MTR: variants seen among roughly 807,000 people sequenced by gnomAD.
MTR encodes the protein 5-methyltetrahydrofolate-homocysteine methyltransferase.
Under a neutral mutation model 154.8 loss-of-function variants are expected in MTR, and 84 were observed. That is an observed-to-expected ratio of 0.54 (90% confidence interval 0.45 to 0.65). The LOEUF (loss-of-function observed/expected upper bound fraction) is 0.65. Ranked by LOEUF, MTR falls within the 30% of genes least tolerant of loss-of-function variation. The pLI is 0.00. For missense variants in MTR, 1,275 were observed against 1,570.2 expected (o/e 0.81, Z 3.18); for synonymous variants, 554 against 553.9 (o/e 1.00, Z 0.00).
In MTR at chr1:236,852,921, T is replaced by G. The variant is rs1663998928; in HGVS notation, c.1813-27T>G. 4 of 1,613,526 alleles carry G rather than the reference T, an allele frequency of 2.5e-6. No individual in the cohort carries two copies. The East Asian group carries it at 6.7e-5, about 27-fold the overall frequency. ...GCTGACTTAAGGTATCACTGTAAAT[T>G]CTCATTTTTATTTGTATTGCCCTTA... On this transcript the variant is annotated intron_variant, in intron 17 of 32. Transcript: ENST00000366577.
chr1:236,864,507 A>T (rs1313795972), intron 22 of MTR, among the ~76,000 whole-genome samples: 2 of 152,136 alleles, frequency 1.3e-5, no homozygotes, highest in East Asian at 1.9e-4. Flanking sequence ...CTTCACAAGC[A>T]TTTCTATTTA....
chr1:236,795,290 G>T (rs913090254), upstream of MTR: 3 of 1,208,310 alleles, frequency 2.5e-6, no homozygotes, highest in African/African-American at 1.6e-5. Context: ...TAGATTGAGC[G>T]CAGAACTAAC....
At chr1:236,886,181 A>T in intron 26 of MTR, 111 bp from the exon 27 acceptor site, 1 of 846,564 alleles carries the variant, frequency 1.2e-6, no homozygotes, top group South Asian at 1.4e-5. Context: ...CTCATGAATA[A>T]GAGCATTTGC....
At chr1:236,835,414 C>G in intron 13 of MTR, 133 bp from the exon 14 acceptor site, 3 of 1,047,818 alleles carry the variant, frequency 2.9e-6, no homozygotes, top group Non-Finnish European at 4.4e-6. Context: ...GACAGCAGGC[C>G]CGGAGTCAGG....
intron 22 of MTR, among the ~76,000 whole-genome samples, chr1:236,872,765 G>A (rs1181251509): frequency 6.6e-6 from 1 of 152,136 alleles, no homozygotes; most frequent in African/African-American, 2.4e-5. Flanking sequence ...TAATCCCAAA[G>A]GAAGCCGAGG....
chr1:236,890,655 C>T (rs1666265573), intron 28 of MTR, among the ~76,000 whole-genome samples: 1 of 152,190 alleles, frequency 6.6e-6, no homozygotes, highest in South Asian at 2.1e-4. Context: ...ATTGAAGAAT[C>T]CCTTCAGAGG....
Position 236,860,090 on chromosome 1 carries a change from C to A in MTR, c.2043+168C>A, listed in dbSNP as rs866769912. Among the ~76,000 whole-genome samples, 512 of 84,494 alleles carry A rather than the reference C, an allele frequency of 6.1e-3. 25 individuals carry two copies. The highest frequency in any genetic ancestry group is 0.021 in the African/African-American group (492 of 23,770). 55.4% of individuals were successfully genotyped at this position (84,494 alleles called of 152,430 possible). On this transcript the variant is annotated intron_variant, in intron 19 of 32. Coordinates refer to ENST00000366577, the MANE Select transcript of MTR (RefSeq NM_000254.3). ...AGCTGCCCCCCCCCCCCCCCCCCCC[C>A]ACCATAGCACATTTGACAGTGTTCA...
At chr1:236,825,045 TGG>T (rs1662198002) in intron 9 of MTR, among the ~76,000 whole-genome samples, 2 of 151,572 alleles carry the variant, frequency 1.3e-5, no homozygotes, top group African/African-American at 4.8e-5. Context: ...ATTTCCCTTA[TGG>T]GAAGGGGTGG....
intron 8 of MTR, among the ~76,000 whole-genome samples, chr1:236,821,807 T>G (rs1661969900): frequency 1.3e-5 from 2 of 152,252 alleles, no homozygotes; most frequent in South Asian, 2.1e-4. Context: ...CACCATTTAT[T>G]GGAAAGAATA....
intron 15 of MTR, among the ~76,000 whole-genome samples, chr1:236,847,872 G>A (rs1663675167): frequency 6.6e-6 from 1 of 152,176 alleles, no homozygotes; most frequent in African/African-American, 2.4e-5. Context: ...CTTCTATTCT[G>A]GATCTCTGAA....
intron 12 of MTR, among the ~76,000 whole-genome samples, chr1:236,830,738 G>A (rs750010283): frequency 5.3e-5 from 8 of 152,162 alleles, no homozygotes; most frequent in African/African-American, 9.7e-5. Context: ...AGGATCGGGC[G>A]TACCCTGCGA....
chr1:236,817,351 G>A (rs1236736433), intron 8 of MTR, among the ~76,000 whole-genome samples: 1 of 151,304 alleles, frequency 6.6e-6, no homozygotes. Context: ...CTTCTTCTTA[G>A]CCTTTAAGAC....
intron 26 of MTR, 148 bp from the exon 27 acceptor site, chr1:236,886,144 A>G (rs1289903522): frequency 1.4e-6 from 1 of 707,112 alleles, no homozygotes; most frequent in South Asian, 1.6e-5. Context: ...CTGGGTAGAA[A>G]AGGAAGAGCT....
intron 19 of MTR, 97 bp downstream of exon 19, chr1:236,860,019 T>C: frequency 2.1e-6 from 2 of 953,784 alleles, no homozygotes; most frequent in Non-Finnish European, 3.2e-6. Flanking sequence ...AGGAGATGCC[T>C]AGACCACTGA....
At chr1:236,803,789 A>G (rs1660823589) in intron 2 of MTR, 147 bp downstream of exon 2, 2 of 839,494 alleles carry the variant, frequency 2.4e-6, no homozygotes, top group Non-Finnish European at 4.0e-6. Context: ...GACATCAAAT[A>G]AAAGTTATGT....
chr1:236,812,982 T>G, intron 6 of MTR, 138 bp downstream of exon 6: 1 of 749,512 alleles, frequency 1.3e-6, no homozygotes, highest in Non-Finnish European at 2.3e-6. Flanking sequence ...TCTTGAGTAT[T>G]TTTAACTGAG....
intron 25 of MTR, among the ~76,000 whole-genome samples, chr1:236,881,420 G>A (rs1038037363): frequency 6.6e-6 from 1 of 152,090 alleles, no homozygotes; most frequent in Non-Finnish European, 1.5e-5. Flanking sequence ...GGGTGCACCC[G>A]AGAGGCAGTG....
intron 2 of MTR, 142 bp from the exon 3 acceptor site, chr1:236,806,002 T>C: frequency 1.4e-6 from 1 of 730,070 alleles, no homozygotes; most frequent in Non-Finnish European, 2.4e-6. Context: ...TTTTTGCATC[T>C]CTACCTTCTA....
At chr1:236,809,655 G>T (rs1661190815) in intron 4 of MTR, among the ~76,000 whole-genome samples, 1 of 152,148 alleles carries the variant, frequency 6.6e-6, no homozygotes, top group Non-Finnish European at 1.5e-5. Context: ...CACGTTATTG[G>T]TTAGCTTTGG....
Sources: allele counts gnomAD v4.1 joint callset (sites outside exome capture counted in the v4.1 genomes callset), GRCh38; gene constraint gnomAD v4.1.1; transcripts MANE v1.5; gene names NCBI Gene and HGNC (gene_info 2026-07-23, HGNC 2026-07-21).